RSPRY1: variants seen among roughly 807,000 people sequenced by gnomAD.
The protein encoded by RSPRY1 is ring finger and SPRY domain containing 1.
RSPRY1 carries 23 observed loss-of-function variants against 73.1 expected under a neutral mutation model. The ratio of observed to expected loss-of-function variants is 0.31; its 90% CI spans 0.23 to 0.45. The LOEUF is 0.45. Ranked by LOEUF, RSPRY1 falls within the 20% of genes least tolerant of loss-of-function variation. The pLI, the probability that RSPRY1 is intolerant of heterozygous loss-of-function variation, is 1.00. For synonymous variants in RSPRY1, 226 were observed against 251.4 expected (o/e 0.90, Z 0.95); for missense variants, 448 against 698.7 (o/e 0.64, Z 4.05).
At chr16:57,202,578 A>T (rs1196346779) in intron 1 of RSPRY1, among the ~76,000 whole-genome samples, 1 of 152,162 alleles carries the variant, frequency 6.6e-6, no homozygotes, top group Non-Finnish European at 1.5e-5. Flanking sequence ...CTGGTTTAGA[A>T]TGTGTTCTTT....
Position 57,238,644 on chromosome 16 carries a change from T to C in RSPRY1, c.1635-235T>C, listed in dbSNP as rs16968010. ...TCTGTAAGTATATGCTGTGCACATA[T>C]AGAGTGTCTGAAAGAATGCATATGA... On this transcript the variant is annotated intron_variant, in intron 14 of 14. Coordinates refer to ENST00000394420, the MANE Select transcript of RSPRY1 (RefSeq NM_133368.3). Among the ~76,000 whole-genome samples the C allele has an allele frequency of 3.8e-3, 576 of 152,348 alleles. 4 individuals carry two copies. Among genetic ancestry groups the C allele is most frequent in the African/African-American group, 0.012 (488 of 41,588 alleles).
chr16:57,211,149 C>T (rs2074835554), intron 4 of RSPRY1, among the ~76,000 whole-genome samples: 1 of 151,738 alleles, frequency 6.6e-6, no homozygotes, highest in East Asian at 1.9e-4. Context: ...AAAAACTGGG[C>T]TGAATGTACT....
chr16:57,229,585 C>T (rs1033872450), intron 11 of RSPRY1, among the ~76,000 whole-genome samples: 21 of 151,404 alleles, frequency 1.4e-4, no homozygotes, highest in African/African-American at 4.9e-4. Context: ...TACCACTGCA[C>T]TCCAGCCTGG....
intron 1 of RSPRY1, among the ~76,000 whole-genome samples, chr16:57,189,210 G>T (rs566478023): frequency 1.3e-5 from 2 of 152,000 alleles, no homozygotes; most frequent in African/African-American, 4.8e-5. Context: ...GGTCAGGCTG[G>T]TCTTGAACTC....
At chr16:57,213,374 A>G (rs1242232833) in intron 5 of RSPRY1, among the ~76,000 whole-genome samples, 3 of 152,318 alleles carry the variant, frequency 2.0e-5, no homozygotes, top group African/African-American at 7.2e-5. Context: ...AAAGGGAGAA[A>G]AGCTAAATTC....
chr16:57,195,882 C>T (rs974637818), intron 1 of RSPRY1, among the ~76,000 whole-genome samples: 19 of 151,522 alleles, frequency 1.3e-4, no homozygotes, highest in African/African-American at 4.6e-4. Flanking sequence ...ATTAGCTGAG[C>T]GTGGTGGCAC....
chr16:57,210,290 G>A (rs936954230), intron 4 of RSPRY1, among the ~76,000 whole-genome samples: 12 of 151,946 alleles, frequency 7.9e-5, no homozygotes, highest in Non-Finnish European at 1.8e-4. Context: ...ATGTTGCCCA[G>A]GCTGATTTTG....
At position 57,204,745 on chromosome 16, in the gene RSPRY1, C is replaced by A. The variant is rs543943782; in HGVS notation, c.87C>A (p.His29Gln). The change falls in exon 2 of 15, where the codon CAC (histidine) becomes CAA (glutamine). Residue 29 changes from histidine to glutamine, a missense_variant. Coordinates refer to ENST00000394420, the MANE Select transcript of RSPRY1 (RefSeq NM_133368.3). Reference sequence around the variant, plus strand: ...TGACTCTCGAAGAGCACATAGCCCACTTCCTAGGGACTGGAGGTGCCGCTA... The same window carrying A: ...TGACTCTCGAAGAGCACATAGCCCAATTCCTAGGGACTGGAGGTGCCGCTA... The part of the protein sequence containing the change: ...LLLTLEEHIA[H>Q]FLGTGGAATT... 6 of 1,614,212 alleles carry A rather than the reference C, an allele frequency of 3.7e-6. No individual in the cohort carries two copies. The highest frequency in any genetic ancestry group is 4.2e-6 in the Non-Finnish European group (5 of 1,180,024).
Position 57,200,350 on chromosome 16 carries a change from C to T in RSPRY1, c.-155-4154C>T, listed in dbSNP as rs1235274751. Among the ~76,000 whole-genome samples, 9 of 152,152 alleles carry T rather than the reference C, an allele frequency of 5.9e-5. No homozygotes were observed. In the East Asian group the frequency reaches 1.7e-3, roughly 29 times the overall value. On this transcript the variant is annotated intron_variant, in intron 1 of 14. Coordinates refer to ENST00000394420, the MANE Select transcript of RSPRY1 (RefSeq NM_133368.3). ...ACCATCCGATTTCTCAATCTTTTCC[C>T]CACCTTTCCCCCCTTTCTATTCCAC...
At chr16:57,216,075 T>TA in intron 6 of RSPRY1, 32 bp from the exon 7 acceptor site, 11 of 1,539,150 alleles carry the variant, frequency 7.1e-6, no homozygotes, top group Non-Finnish European at 9.7e-6. Context: ...AATGATTTTT[T>TA]TTTTTTTTTT....
At chr16:57,212,816 T>C (rs2074869605) in intron 4 of RSPRY1, among the ~76,000 whole-genome samples, 156 bp from the exon 5 acceptor site, 1 of 152,138 alleles carries the variant, frequency 6.6e-6, no homozygotes, top group South Asian at 2.1e-4. Context: ...GGTTTCACCA[T>C]GTTGGCCAGG....
chr16:57,207,617 G>A lies in RSPRY1; in HGVS notation c.351-441G>A, dbSNP rs34412473. ...GAAGAAAACTTCAAAATGAAGATGCGTATATAGGCCCTTGCTTCCATAAGT... is the reference window on the plus strand; with the variant it reads ...GAAGAAAACTTCAAAATGAAGATGCATATATAGGCCCTTGCTTCCATAAGT... On this transcript the variant is annotated intron_variant, in intron 2 of 14. Coordinates refer to ENST00000394420, the MANE Select transcript of RSPRY1 (RefSeq NM_133368.3). 2,800 of 456,408 alleles carry A rather than the reference G, an allele frequency of 6.1e-3. 54 individuals are homozygous for A. The highest frequency in any genetic ancestry group is 0.038 in the African/African-American group (1,910 of 50,184). The allele number at this position is 456,408 out of a possible 1,614,324, so 28.3% of individuals were successfully genotyped here.
Position 57,216,090 on chromosome 16 carries a change from C to G in RSPRY1, c.703-17C>G. ...AATGATTTTTTTTTTTTTTTTTTAT[C>G]TTTTGTTGTTTTTCAGAAGTTACAG... On this transcript the variant is annotated splice_polypyrimidine_tract_variant and intron_variant, in intron 6 of 14. Coordinates refer to ENST00000394420, the MANE Select transcript of RSPRY1 (RefSeq NM_133368.3). The G allele has an allele frequency of 3.9e-3, 3,680 of 952,276 alleles. No homozygotes were observed. Among genetic ancestry groups the G allele is most frequent in the Non-Finnish European group, 5.0e-3 (3,362 of 672,632 alleles). 59.0% of individuals were successfully genotyped at this position (952,276 alleles called of 1,614,324 possible).
At chr16:57,218,157 CA>C (rs1177284377) in intron 8 of RSPRY1, among the ~76,000 whole-genome samples, 2 of 151,990 alleles carry the variant, frequency 1.3e-5, no homozygotes, top group South Asian at 2.1e-4. Context: ...TTTTACCTTC[CA>C]GGGGGATTAT....
chr16:57,202,959 A>G lies in RSPRY1; in HGVS notation c.-155-1545A>G, dbSNP rs185480739. On this transcript the variant is annotated intron_variant, in intron 1 of 14. Coordinates refer to ENST00000394420, the MANE Select transcript of RSPRY1 (RefSeq NM_133368.3). ...TCTTTTTCTTCTATGTTTTCCCTGT[A>G]GCAGTAATCAAACTGGGAAAATAAA... Among the ~76,000 whole-genome samples the G allele has an allele frequency of 6.9e-4, 101 of 146,548 alleles. 1 individual carries two copies. The East Asian group carries it at 0.018, about 26-fold the overall frequency.
intron 1 of RSPRY1, among the ~76,000 whole-genome samples, chr16:57,203,635 G>A (rs2074668048): frequency 6.6e-6 from 1 of 152,166 alleles, no homozygotes; most frequent in Non-Finnish European, 1.5e-5. Context: ...GGTTTTTAAT[G>A]ATAAACATAC....
intron 1 of RSPRY1, among the ~76,000 whole-genome samples, chr16:57,187,392 G>A (rs972622502): frequency 3.3e-5 from 5 of 152,168 alleles, no homozygotes; most frequent in African/African-American, 1.2e-4. Flanking sequence ...TCTGAGAGAG[G>A]TTGCTCCCCC....
intron 1 of RSPRY1, among the ~76,000 whole-genome samples, chr16:57,187,685 G>A (rs1196967618): frequency 6.6e-6 from 1 of 152,208 alleles, no homozygotes; most frequent in African/African-American, 2.4e-5. Flanking sequence ...GAGGTAAGGG[G>A]TGGGATTAAT....
At chr16:57,208,034 A>C (rs1265960228) in intron 2 of RSPRY1, 24 bp from the exon 3 acceptor site, 2 of 1,486,954 alleles carry the variant, frequency 1.3e-6, no homozygotes, top group African/African-American at 2.8e-5. Context: ...CCTCAGGTTT[A>C]ATGCCTTGAA....
Sources: gnomAD v4.1 joint callset for allele counts (sites outside exome capture counted in the v4.1 genomes callset) on GRCh38, gnomAD v4.1.1 for gene constraint, MANE v1.5 for transcripts, NCBI Gene and HGNC (gene_info 2026-07-23, HGNC 2026-07-21) for gene names.